SLC39A11: variants seen among roughly 807,000 people sequenced by gnomAD.
SLC39A11 encodes the protein zinc transporter ZIP11.
SLC39A11 carries 33 observed loss-of-function variants against 36.1 expected under a neutral mutation model. The ratio of observed to expected loss-of-function variants is 0.91; its 90% confidence interval spans 0.69 to 1.22. The LOEUF (loss-of-function observed/expected upper bound fraction) is 1.22. Among genes scored for constraint, SLC39A11 ranks in the 50% most tolerant of loss-of-function variants. SLC39A11 has a pLI of 0.00. For missense variants in SLC39A11, 432 were observed against 430.3 expected, an observed-to-expected ratio of 1.00 and a Z score of -0.03; for synonymous variants, 166 against 170.3, an observed-to-expected ratio of 0.97 and a Z score of 0.20.
intron 5 of SLC39A11, among the ~76,000 whole-genome samples, chr17:72,929,043 C>T (rs1384290889): frequency 6.6e-6 from 1 of 152,110 alleles, no homozygotes; most frequent in Admixed American, 6.5e-5. Flanking sequence ...AGAGCGAACC[C>T]ACAGAGCCTC....
chr17:72,834,830 G>A (rs927859839), intron 6 of SLC39A11, among the ~76,000 whole-genome samples: 11 of 152,162 alleles, frequency 7.2e-5, no homozygotes, highest in African/African-American at 1.2e-4. Flanking sequence ...TACAATCGAC[G>A]TGGAAATGAG....
At chr17:73,068,163 C>A in intron 3 of SLC39A11, 1 of 1,272,522 alleles carries the variant, frequency 7.9e-7, no homozygotes, top group Non-Finnish European at 1.1e-6. Flanking sequence ...TCCTCTGTTC[C>A]CGGAGAAACT....
intron 5 of SLC39A11, among the ~76,000 whole-genome samples, chr17:72,934,530 G>A (rs1024976973): frequency 6.6e-6 from 1 of 152,146 alleles, no homozygotes; most frequent in African/African-American, 2.4e-5. Context: ...GCCAGGCAGG[G>A]TGGCGTGTGC....
At chr17:72,716,049 G>A (rs1259210644) in intron 7 of SLC39A11, among the ~76,000 whole-genome samples, 4 of 152,008 alleles carry the variant, frequency 2.6e-5, no homozygotes, top group African/African-American at 9.7e-5. Flanking sequence ...CATGGTAAGT[G>A]TGAAAAAATA....
chr17:73,055,456 G>A (rs935982210), intron 3 of SLC39A11, among the ~76,000 whole-genome samples: 1 of 151,198 alleles, frequency 6.6e-6, no homozygotes, highest in African/African-American at 2.4e-5. Flanking sequence ...TTTTTAGAGA[G>A]GGTCTCACTC....
At chr17:72,965,668 T>C (rs2086918218) in intron 4 of SLC39A11, among the ~76,000 whole-genome samples, 1 of 152,236 alleles carries the variant, frequency 6.6e-6, no homozygotes, top group African/African-American at 2.4e-5. Context: ...GATAGGTTTA[T>C]TGAGATGTAA....
intron 3 of SLC39A11, among the ~76,000 whole-genome samples, chr17:73,080,290 T>A (rs540560212): frequency 9.9e-5 from 15 of 152,240 alleles, no homozygotes; most frequent in African/African-American, 3.6e-4. Context: ...AAAATAGACA[T>A]GTAGACCAAT....
At chr17:73,055,859 G>C (rs1048911065) in intron 3 of SLC39A11, among the ~76,000 whole-genome samples, 1 of 152,180 alleles carries the variant, frequency 6.6e-6, no homozygotes, top group African/African-American at 2.4e-5. Context: ...GGCTATCTCT[G>C]TGCAGCCCTT....
intron 6 of SLC39A11, among the ~76,000 whole-genome samples, chr17:72,815,525 G>A (rs2077554498): frequency 6.6e-6 from 1 of 152,184 alleles, no homozygotes; most frequent in Non-Finnish European, 1.5e-5. Flanking sequence ...GCTGAGACAG[G>A]AGAATCACTT....
chr17:72,723,237 T>C (rs904216895), intron 7 of SLC39A11, among the ~76,000 whole-genome samples: 1 of 152,104 alleles, frequency 6.6e-6, no homozygotes, highest in African/African-American at 2.4e-5. Context: ...CATAGAGAGA[T>C]GTCACCAGGA....
At chr17:73,019,675 C>T (rs2058279391) in intron 4 of SLC39A11, among the ~76,000 whole-genome samples, 1 of 151,916 alleles carries the variant, frequency 6.6e-6, no homozygotes, top group South Asian at 2.1e-4. Context: ...ATTTTATTAA[C>T]CCAAAAGAAG....
intron 4 of SLC39A11, among the ~76,000 whole-genome samples, chr17:72,957,293 G>A (rs971772222): frequency 1.3e-4 from 20 of 152,164 alleles, no homozygotes; most frequent in African/African-American, 4.1e-4. Flanking sequence ...GGATGCTGAC[G>A]GGGAAATTTG....
At chr17:72,651,433 G>T (rs2069847910) in intron 7 of SLC39A11, among the ~76,000 whole-genome samples, 2 of 152,206 alleles carry the variant, frequency 1.3e-5, no homozygotes, top group Admixed American at 1.3e-4. Context: ...GCAGCCCAGG[G>T]TGCTTACTGT....
At chr17:72,826,528 G>C (rs1198943838) in intron 6 of SLC39A11, among the ~76,000 whole-genome samples, 1 of 152,216 alleles carries the variant, frequency 6.6e-6, no homozygotes, top group Non-Finnish European at 1.5e-5. Context: ...GAACAAGGGA[G>C]AGACCCTTTA....
chr17:72,795,530 C>A (rs995716998), intron 6 of SLC39A11, among the ~76,000 whole-genome samples: 2 of 152,160 alleles, frequency 1.3e-5, no homozygotes, highest in African/African-American at 4.8e-5. Context: ...TAAGGTCGCA[C>A]ACCATCACTT....
At chr17:72,822,886 T>C (rs2077854151) in intron 6 of SLC39A11, among the ~76,000 whole-genome samples, 2 of 151,146 alleles carry the variant, frequency 1.3e-5, no homozygotes, top group Middle Eastern at 3.4e-3. Flanking sequence ...AGCTAATTTT[T>C]TTATTTTTTG....
chr17:72,915,067 C>A (rs11869471), intron 5 of SLC39A11, among the ~76,000 whole-genome samples: 1 of 151,964 alleles, frequency 6.6e-6, no homozygotes. Context: ...CGGAGCCTCC[C>A]GGGTATCTCA....
Position 73,000,708 on chromosome 17 carries a change from C to T in SLC39A11, c.306+30848G>A, listed in dbSNP as rs114217838. On this transcript the variant is annotated intron_variant, in intron 4 of 9. Transcript: ENST00000255559. Reference sequence around the variant, plus strand: ...GAGGAACACACTCATTTTCATATATCATATCACAAGGTCAGAGGCCAACTG... The same window carrying T: ...GAGGAACACACTCATTTTCATATATTATATCACAAGGTCAGAGGCCAACTG... Among the ~76,000 whole-genome samples, 672 of 152,312 alleles carry T rather than the reference C, an allele frequency of 4.4e-3. 4 individuals carry two copies. The highest frequency in any genetic ancestry group is 0.015 in the African/African-American group (617 of 41,556).
At chr17:72,764,475 A>G (rs548708792) in intron 6 of SLC39A11, among the ~76,000 whole-genome samples, 1 of 152,098 alleles carries the variant, frequency 6.6e-6, no homozygotes, top group East Asian at 1.9e-4. Context: ...TAACTGTAGG[A>G]TTGGTTAGGG....
Sources: allele counts gnomAD v4.1 joint callset (sites outside exome capture counted in the v4.1 genomes callset), GRCh38; gene constraint gnomAD v4.1.1; transcripts MANE v1.5; gene names NCBI Gene and HGNC (gene_info 2026-07-23, HGNC 2026-07-21).